CMC1: variants seen among roughly 807,000 people sequenced by gnomAD.
The protein encoded by CMC1 is C-X9-C motif containing 1.
A neutral mutation model predicts 14.1 loss-of-function variants in CMC1; 14 were observed. The observed-to-expected ratio is 0.99, with a 90% CI of 0.66 to 1.55. CMC1 has a LOEUF of 1.55. Among genes scored for constraint, CMC1 ranks in the 40% most tolerant of loss-of-function variants. The probability of loss-of-function intolerance (pLI) is 0.00; values close to 1 mark genes in which losing one functional copy is unlikely to be tolerated. For missense variants in CMC1, 127 were observed against 123.8 expected (o/e 1.03, Z -0.12); for synonymous variants, 50 against 38.4 (o/e 1.30, Z -1.12).
chr3:28,315,577 A>G (rs1203024927), intron 2 of CMC1, among the ~76,000 whole-genome samples: 1 of 152,180 alleles, frequency 6.6e-6, no homozygotes, highest in African/African-American at 2.4e-5. Context: ...ACAGATACCA[A>G]TGTCTGGAAA....
In CMC1 at chr3:28,324,128, T is replaced by G; in HGVS notation, c.*4499T>G. On this transcript the variant is annotated 3_prime_UTR_variant, in exon 4 of 4. Transcript: ENST00000466830. Reference sequence around the variant, plus strand: ...GGTAAAGGCAAAGTTTTAGTTTTAGTTTCCCCAAATGCTGTCTCACTTGAT... The same window carrying G: ...GGTAAAGGCAAAGTTTTAGTTTTAGGTTCCCCAAATGCTGTCTCACTTGAT... The G allele has an allele frequency of 6.2e-7, 1 of 1,610,502 alleles. No homozygotes were observed. Among genetic ancestry groups the G allele is most frequent in the Non-Finnish European group, 8.5e-7 (1 of 1,177,534 alleles).
At chr3:28,295,638 A>G (rs539035798) in intron 2 of CMC1, among the ~76,000 whole-genome samples, 73 of 152,228 alleles carry the variant, frequency 4.8e-4, no homozygotes, top group African/African-American at 1.7e-3. Flanking sequence ...TTAGAATAAG[A>G]GATCCTGGTT....
chr3:28,282,098 C>T (rs1020554157), intron 2 of CMC1, among the ~76,000 whole-genome samples: 1 of 152,018 alleles, frequency 6.6e-6, no homozygotes, highest in African/African-American at 2.4e-5. Flanking sequence ...TTTCCTCTTT[C>T]TCTTCTGTGT....
At chr3:28,313,335 GT>G (rs1702735532) in intron 2 of CMC1, among the ~76,000 whole-genome samples, 1 of 152,058 alleles carries the variant, frequency 6.6e-6, no homozygotes, top group Non-Finnish European at 1.5e-5. Flanking sequence ...CATTCCTACT[GT>G]TTATTGATAT....
intron 2 of CMC1, among the ~76,000 whole-genome samples, chr3:28,301,628 G>GT (rs1006947075): frequency 0.01 from 1,480 of 141,118 alleles, 12 homozygotes; most frequent in African/African-American, 0.024. Flanking sequence ...TATGGATGCT[G>GT]TTTTTTTTTT....
At chr3:28,272,778 G>A (rs781217173) in intron 2 of CMC1, among the ~76,000 whole-genome samples, 9 of 152,058 alleles carry the variant, frequency 5.9e-5, no homozygotes, top group Non-Finnish European at 1.0e-4. Context: ...CCATCTCCCA[G>A]GTTCAATCGA....
In CMC1 at chr3:28,320,678, GATA is replaced by G. The variant is rs1703159271; in HGVS notation, c.*1051_*1053del. On this transcript the variant is annotated 3_prime_UTR_variant, in exon 4 of 4. Transcript: ENST00000466830. ...TTCTAAAACATAATGTTCTTAACCTGATAACTTGTTAGTCCTTTAATCTTTCAT... is the reference window on the plus strand; with the variant it reads ...TTCTAAAACATAATGTTCTTAACCTGACTTGTTAGTCCTTTAATCTTTCAT... 6.6e-6 allele frequency: 1 copy of G among 151,412 alleles called. No individual in the cohort carries two copies. The allele number at this position is 151,412 out of a possible 1,614,324, so 9.4% of individuals were successfully genotyped here. A position where few individuals can be genotyped will look rare whatever the true frequency, so the allele number is the denominator to read the frequency against.
chr3:28,261,718 G>A (rs1699744530), intron 1 of CMC1, among the ~76,000 whole-genome samples: 1 of 152,100 alleles, frequency 6.6e-6, no homozygotes, highest in East Asian at 1.9e-4. Flanking sequence ...GCACATAGTA[G>A]TCATTCCCCA....
chr3:28,300,754 C>T (rs1476030218), intron 2 of CMC1, among the ~76,000 whole-genome samples: 3 of 144,148 alleles, frequency 2.1e-5, no homozygotes, highest in Non-Finnish European at 3.0e-5. Flanking sequence ...TCCTTCCTTC[C>T]TTTTTTTTTC....
intron 2 of CMC1, among the ~76,000 whole-genome samples, chr3:28,311,389 A>C (rs999902670): frequency 1.3e-5 from 2 of 152,158 alleles, no homozygotes; most frequent in African/African-American, 4.8e-5. Flanking sequence ...TGTGTTACTA[A>C]ATTTTATAGA....
chr3:28,243,538 G>C (rs1030813216), intron 1 of CMC1, among the ~76,000 whole-genome samples: 1 of 152,184 alleles, frequency 6.6e-6, no homozygotes, highest in East Asian at 1.9e-4. Flanking sequence ...TTACTCATAA[G>C]CCACTCCAAT....
intron 2 of CMC1, among the ~76,000 whole-genome samples, chr3:28,268,243 G>A (rs1700104649): frequency 6.6e-6 from 1 of 152,122 alleles, no homozygotes; most frequent in Non-Finnish European, 1.5e-5. Flanking sequence ...CCTATTCATA[G>A]CTAAAGGTTA....
Position 28,274,220 on chromosome 3 carries a change from C to CTTTTTTTTTTTT in CMC1, c.109+10844_109+10855dup, listed in dbSNP as rs544985268. 3.4e-4 allele frequency among the ~76,000 whole-genome samples: 38 copies of CTTTTTTTTTTTT among 112,310 alleles called. 1 individual carries two copies. Among genetic ancestry groups the CTTTTTTTTTTTT allele is most frequent in the African/African-American group, 5.3e-4 (16 of 30,090 alleles). The allele number at this position is 112,310 out of a possible 152,430, so 73.7% of individuals were successfully genotyped here. A position where few individuals can be genotyped will look rare whatever the true frequency, so the allele number is the denominator to read the frequency against. ...TGTACTAAAGTGTTTTTGTTTTTTT[C>CTTTTTTTTTTTT]TTTTTTTTTTTTTTTGCAGTGGCTA... is the stretch of plus-strand genomic sequence containing the variant. On this transcript the variant is annotated intron_variant, in intron 2 of 3. Coordinates refer to ENST00000466830, the MANE Select transcript of CMC1 (RefSeq NM_182523.2).
At chr3:28,292,311 A>G (rs1214449366) in intron 2 of CMC1, among the ~76,000 whole-genome samples, 2 of 152,142 alleles carry the variant, frequency 1.3e-5, no homozygotes, top group Non-Finnish European at 2.9e-5. Context: ...AGCTTACAAT[A>G]TCTTGCAGTT....
chr3:28,275,994 T>C (rs1029927226), intron 2 of CMC1, among the ~76,000 whole-genome samples: 2 of 152,184 alleles, frequency 1.3e-5, no homozygotes, highest in African/African-American at 2.4e-5. Context: ...AGACTGGAGC[T>C]GCAGTGGTGG....
At chr3:28,272,902 G>T (rs1475904878) in intron 2 of CMC1, among the ~76,000 whole-genome samples, 1 of 151,986 alleles carries the variant, frequency 6.6e-6, no homozygotes, top group East Asian at 1.9e-4. Context: ...GGCCAGGCTG[G>T]TCTCAAACTC....
At position 28,316,429 on chromosome 3, in the gene CMC1, T is replaced by C; in HGVS notation, c.200+6T>C. The C allele has an allele frequency of 6.5e-7, 1 of 1,534,574 alleles. No individual in the cohort carries two copies. Among genetic ancestry groups the C allele is most frequent in the Non-Finnish European group, 8.9e-7 (1 of 1,121,652 alleles). On this transcript the variant is annotated splice_donor_region_variant and intron_variant, in intron 3 of 3. Coordinates refer to ENST00000466830, the MANE Select transcript of CMC1 (RefSeq NM_182523.2). ...AAAGAATGTCTAACTGCTTAGTAAG[T>C]AGTTGTCTCAGCGTTTGTGCTTGTA...
intron 2 of CMC1, among the ~76,000 whole-genome samples, chr3:28,313,964 T>A (rs1426987558): frequency 6.6e-6 from 1 of 152,206 alleles, no homozygotes; most frequent in Admixed American, 6.5e-5. Flanking sequence ...ATTACCTTTC[T>A]ACCAAATATT....
chr3:28,258,675 A>G (rs1214359938), intron 1 of CMC1, among the ~76,000 whole-genome samples: 1 of 131,772 alleles, frequency 7.6e-6, no homozygotes, highest in Non-Finnish European at 1.5e-5. Context: ...GCTGGAGTTC[A>G]GTGGTGAGAT....
Sources: gnomAD v4.1 joint callset for allele counts (sites outside exome capture counted in the v4.1 genomes callset) on GRCh38, gnomAD v4.1.1 for gene constraint, MANE v1.5 for transcripts, NCBI Gene and HGNC (gene_info 2026-07-23, HGNC 2026-07-21) for gene names.